Variants in ERG observed in about 807,000 individuals in gnomAD.
ERG encodes the protein ETS transcription factor ERG, also known as transcriptional regulator ERG.
Under a neutral mutation model 55.3 loss-of-function variants are expected in ERG, and 9 were observed. The ratio of observed to expected loss-of-function variants is 0.16; its 90% CI spans 0.10 to 0.28. The LOEUF is 0.28. Ranked by LOEUF, ERG falls within the 10% of genes least tolerant of loss-of-function variation. The pLI is 1.00. For synonymous variants in ERG, 223 were observed against 237.3 expected (o/e 0.94, Z 0.55); for missense variants, 434 against 631.6 (o/e 0.69, Z 3.35).
At chr21:38,465,737 A>T (rs1372419671) in intron 1 of ERG, among the ~76,000 whole-genome samples, 3 of 152,214 alleles carry the variant, frequency 2.0e-5, no homozygotes, top group African/African-American at 4.8e-5. Flanking sequence ...TCTATTTTTT[A>T]AAAAATGAAG....
chr21:38,389,385 C>T (rs777676387), intron 9 of ERG, among the ~76,000 whole-genome samples: 7 of 151,936 alleles, frequency 4.6e-5, no homozygotes, highest in African/African-American at 7.3e-5. Flanking sequence ...GGGCATTCTG[C>T]GGGATGGGAG....
In ERG at chr21:38,383,712, G is replaced by A. The variant is rs1987559164; in HGVS notation, c.1131C>T (p.Ile377=). 6.2e-7 allele frequency: 1 copy of A among 1,614,054 alleles called. No individual in the cohort carries two copies. Among genetic ancestry groups the A allele is most frequent in the Non-Finnish European group, 8.5e-7 (1 of 1,180,044 alleles). ...RALRYYYDKN[I]MTKVHGKRYA... is the part of the protein sequence containing the mutation. The stretch of plus-strand genomic sequence containing the variant: ...AGCGCTTCCCATGGACCTTGGTCAT[G>A]ATGTTCTTGTCATAGTAGTAACGGA... Residue 377 remains isoleucine, a synonymous_variant, in exon 10 of 10, where the codon ATC becomes ATT. Coordinates refer to ENST00000288319, the MANE Select transcript of ERG (RefSeq NM_182918.4). This position sits in a 1 kb window ranked among gnomAD's most constrained non-coding sequence, Gnocchi z 5.7.
At chr21:38,587,919 C>T (rs2060076292), upstream of ERG, among the ~76,000 whole-genome samples, 1 of 152,110 alleles carries the variant, frequency 6.6e-6, no homozygotes, top group South Asian at 2.1e-4. Context: ...GATTTAAAGC[C>T]CAGAGTCAAG....
At chr21:38,549,190 C>T (rs754789631) in intron 2 of ERG, among the ~76,000 whole-genome samples, 12 of 152,042 alleles carry the variant, frequency 7.9e-5, no homozygotes, top group South Asian at 2.1e-4. Context: ...GTGAAATCTC[C>T]GGGATTGGGG....
intron 3 of ERG, among the ~76,000 whole-genome samples, chr21:38,409,771 G>C (rs930958460): frequency 6.6e-6 from 1 of 152,228 alleles, no homozygotes; most frequent in Non-Finnish European, 1.5e-5. Context: ...CAACATACGA[G>C]GATGGGGATG....
At chr21:38,436,425 T>C (rs2146535451) in intron 2 of ERG, among the ~76,000 whole-genome samples, 1 of 152,334 alleles carries the variant, frequency 6.6e-6, no homozygotes, top group East Asian at 1.9e-4. Context: ...TTGTCACTGC[T>C]TGTCTGACAC....
At chr21:38,571,430 G>A (rs1230188429) in intron 2 of ERG, among the ~76,000 whole-genome samples, 2 of 151,998 alleles carry the variant, frequency 1.3e-5, no homozygotes, top group African/African-American at 2.4e-5. Context: ...AAGATCGCTT[G>A]AGCCTGGGAG....
chr21:38,576,423 G>C (rs904638245), intron 1 of ERG, among the ~76,000 whole-genome samples: 3 of 152,046 alleles, frequency 2.0e-5, no homozygotes, highest in Non-Finnish European at 4.4e-5. Context: ...TGACTCCAGA[G>C]CCCAAAAAAA....
chr21:38,528,433 CTTTTTTTTTTTTTTTTT>C (rs869069278), intron 2 of ERG, among the ~76,000 whole-genome samples: 5 of 23,508 alleles, frequency 2.1e-4, no homozygotes, highest in African/African-American at 1.9e-4. Context: ...CCATAGCAAA[CTTTTTTTTTTTTTTTTT>C]TTTTTTTTTT....
intron 1 of ERG, among the ~76,000 whole-genome samples, chr21:38,637,962 T>A (rs909580112): frequency 6.6e-6 from 1 of 152,170 alleles, no homozygotes; most frequent in African/African-American, 2.4e-5. Context: ...ACTGAGTGGA[T>A]TGAAGAGCAA....
At chr21:38,611,445 C>T (rs79519429) in intron 1 of ERG, among the ~76,000 whole-genome samples, 1,652 of 152,074 alleles carry the variant, frequency 0.011, 32 homozygotes, top group African/African-American at 0.037. Flanking sequence ...CTCCACTCCT[C>T]CCCTCTCTCC....
Position 38,609,022 on chromosome 21 carries a change from T to C in ERG, c.-149-24077A>G, listed in dbSNP as rs75197726. Among the ~76,000 whole-genome samples, 1,198 of 152,300 alleles carry C rather than the reference T, an allele frequency of 7.9e-3. 13 individuals carry two copies. The highest frequency in any genetic ancestry group is 0.027 in the African/African-American group (1,133 of 41,566). Reference sequence around the variant, plus strand: ...AGATTAACATACCCATCATCTCCCATTGTCAGTGTCTTTCTTGGGGACAAG... The same window carrying C: ...AGATTAACATACCCATCATCTCCCACTGTCAGTGTCTTTCTTGGGGACAAG... On this transcript the variant is annotated intron_variant, in intron 1 of 10. Coordinates refer to the ERG transcript ENST00000398910.
At chr21:38,399,594 C>T (rs918969963) in intron 6 of ERG, among the ~76,000 whole-genome samples, 1 of 152,206 alleles carries the variant, frequency 6.6e-6, no homozygotes, top group African/African-American at 2.4e-5. Context: ...AGGGAGAGGA[C>T]AAATGCTAAA....
Position 38,380,170 on chromosome 21 carries a change from T to TGC in ERG, c.*3232_*3233insGC. On this transcript the variant is annotated 3_prime_UTR_variant, in exon 10 of 10. Transcript: ENST00000288319. ...TCTCTTTCTCCAGGCAATGGGTCAC[T>TGC]TTGGGGCGCTGCAGAACATCTGTGC... is the stretch of plus-strand genomic sequence containing the variant. 2.9e-6 allele frequency: 3 copies of TGC among 1,046,158 alleles called. No homozygotes were observed. The highest frequency in any genetic ancestry group is 3.5e-6 in the Non-Finnish European group (3 of 867,372). 64.8% of individuals were successfully genotyped at this position (1,046,158 alleles called of 1,614,324 possible). A position where few individuals can be genotyped will look rare whatever the true frequency, so the allele number is the denominator to read the frequency against.
chr21:38,410,702 G>C (rs1370264939), intron 3 of ERG, among the ~76,000 whole-genome samples: 1 of 152,158 alleles, frequency 6.6e-6, no homozygotes, highest in Non-Finnish European at 1.5e-5. Flanking sequence ...TCAGGCAAAG[G>C]GGCACTGCAT....
At chr21:38,415,996 A>G (rs1433665018) in intron 3 of ERG, among the ~76,000 whole-genome samples, 1 of 152,200 alleles carries the variant, frequency 6.6e-6, no homozygotes, top group African/African-American at 2.4e-5. Flanking sequence ...GAAACATAAT[A>G]TATCAGCCAT....
At chr21:38,599,256 T>C (rs2060149741) in intron 1 of ERG, among the ~76,000 whole-genome samples, 1 of 152,048 alleles carries the variant, frequency 6.6e-6, no homozygotes, top group South Asian at 2.1e-4. Context: ...GTGGCTGGAC[T>C]TGCAGGGGTG....
At chr21:38,650,147 A>G (rs2060480156) in intron 1 of ERG, among the ~76,000 whole-genome samples, 1 of 152,232 alleles carries the variant, frequency 6.6e-6, no homozygotes, top group South Asian at 2.1e-4. Flanking sequence ...CAAAATAAAA[A>G]GAGTGAAATT....
chr21:38,427,422 G>C (rs1277430181), intron 2 of ERG, among the ~76,000 whole-genome samples: 1 of 152,166 alleles, frequency 6.6e-6, no homozygotes, highest in African/African-American at 2.4e-5. Context: ...ACATGTTTGG[G>C]ATCTGTTTTG....
Sources: allele counts gnomAD v4.1 joint callset (sites outside exome capture counted in the v4.1 genomes callset), GRCh38; gene constraint gnomAD v4.1.1; non-coding constraint Gnocchi (gnomAD v3.1); transcripts MANE v1.5; gene names NCBI Gene and HGNC (gene_info 2026-07-23, HGNC 2026-07-21).